DOT1L: variants seen among roughly 807,000 people sequenced by gnomAD.
DOT1L encodes DOT1 like histone lysine methyltransferase.
A neutral mutation model predicts 153.3 loss-of-function variants in DOT1L; 33 were observed. That is an observed-to-expected ratio of 0.22 (90% CI 0.16 to 0.29). The LOEUF is 0.29. DOT1L is among the 10% of genes least tolerant of loss of function. DOT1L has a pLI of 1.00. For missense variants in DOT1L, 1,847 were observed against 2,119.9 expected (o/e 0.87, Z 2.53); for synonymous variants, 1,135 against 965.1 (o/e 1.18, Z -3.26).
At position 2,180,574 on chromosome 19, in the gene DOT1L, C is replaced by T. The variant is rs556490964; in HGVS notation, c.82-139C>T. 511 of 1,002,184 alleles carry T rather than the reference C, an allele frequency of 5.1e-4. 2 individuals carry two copies. The African/African-American group carries it at 7.3e-3, about 14-fold the overall frequency. The allele number at this position is 1,002,184 out of a possible 1,614,324, so 62.1% of individuals were successfully genotyped here. ...CTGGGAGTGTCTCTGGTGGTACCCG[C>T]TGGGTGGTGGGCTTGGGAGCTGCAC... On this transcript the variant is annotated intron_variant, in intron 1 of 27. Coordinates refer to ENST00000398665, the MANE Select transcript of DOT1L (RefSeq NM_032482.3).
chr19:2,182,003 G>T (rs1157372461), intron 2 of DOT1L, among the ~76,000 whole-genome samples: 2 of 152,112 alleles, frequency 1.3e-5, no homozygotes, highest in African/African-American at 2.4e-5. Context: ...CAGGGAGATC[G>T]CTTGAGGCCA....
intron 10 of DOT1L, 116 bp downstream of exon 10, chr19:2,206,913 G>A (rs770463736): frequency 6.5e-6 from 7 of 1,079,412 alleles, no homozygotes; most frequent in Non-Finnish European, 9.8e-6. Context: ...ATCCTTCTGT[G>A]GGGTGGGGCT....
Position 2,190,599 on chromosome 19 carries a change from G to A in DOT1L, c.265-413G>A, listed in dbSNP as rs758989807. Reference sequence around the variant, plus strand: ...GAGGAAGGCGGGGTCCCACGTAGTCGAGTCAGATGAGGTGTGGTAGGCTCA... The same window carrying A: ...GAGGAAGGCGGGGTCCCACGTAGTCAAGTCAGATGAGGTGTGGTAGGCTCA... On this transcript the variant is annotated intron_variant, in intron 4 of 27. Coordinates refer to ENST00000398665, the MANE Select transcript of DOT1L (RefSeq NM_032482.3). This position sits in a 1 kb window ranked among gnomAD's most constrained non-coding sequence, Gnocchi z 4.8. 6.6e-6 allele frequency among the ~76,000 whole-genome samples: 1 copy of A among 152,150 alleles called. No homozygotes were observed. The highest frequency in any genetic ancestry group is 2.4e-5 in the African/African-American group (1 of 41,432).
rs545139419 is a variant in DOT1L, at chr19:2,218,001, G to A, written c.2691+83G>A. Reference sequence around the variant, plus strand: ...GTGCTCGAGACCTGGCTCACTTTGCGAAGTCTCACGCTGTAAAATGTCGAG... The same window carrying A: ...GTGCTCGAGACCTGGCTCACTTTGCAAAGTCTCACGCTGTAAAATGTCGAG... On this transcript the variant is annotated intron_variant, in intron 22 of 27. Transcript: ENST00000398665. 141 of 1,528,072 alleles carry A rather than the reference G, an allele frequency of 9.2e-5. No homozygotes were observed. In the South Asian group the frequency reaches 1.4e-3, roughly 16 times the overall value. 94.7% of individuals were successfully genotyped at this position (1,528,072 alleles called of 1,614,324 possible). A position where few individuals can be genotyped will look rare whatever the true frequency, so the allele number is the denominator to read the frequency against.
At chr19:2,201,025 C>G (rs1158083307) in intron 8 of DOT1L, among the ~76,000 whole-genome samples, 3 of 123,508 alleles carry the variant, frequency 2.4e-5, no homozygotes, top group Admixed American at 7.8e-5. Context: ...ATTCCTCGTC[C>G]TCCCCGCATT....
At chr19:2,210,960 C>T in intron 14 of DOT1L, 105 bp downstream of exon 14, 1 of 1,473,238 alleles carries the variant, frequency 6.8e-7, no homozygotes, top group Non-Finnish European at 9.3e-7. Flanking sequence ...TCAGGGTGTC[C>T]CTGGAGCCTC....
intron 1 of DOT1L, among the ~76,000 whole-genome samples, chr19:2,175,765 G>C (rs1379949105): frequency 6.6e-6 from 1 of 152,188 alleles, no homozygotes; most frequent in Non-Finnish European, 1.5e-5. Context: ...AGGAAGTGGA[G>C]GTTGCAGTGA....
chr19:2,180,345 G>A (rs2022173226), intron 1 of DOT1L, among the ~76,000 whole-genome samples: 2 of 152,332 alleles, frequency 1.3e-5, no homozygotes, highest in South Asian at 2.1e-4. Context: ...GGGCTGTGTT[G>A]AGGGATCAAC....
intron 1 of DOT1L, among the ~76,000 whole-genome samples, chr19:2,168,631 T>A (rs917064316): frequency 6.6e-6 from 1 of 152,180 alleles, no homozygotes; most frequent in Non-Finnish European, 1.5e-5. Context: ...TCTTATTTTT[T>A]TGAGAGGGAA....
intron 8 of DOT1L, 67 bp downstream of exon 8, chr19:2,200,006 A>T (rs2023181830): frequency 1.9e-6 from 3 of 1,580,766 alleles, no homozygotes; most frequent in Non-Finnish European, 2.6e-6. Context: ...TGGCCATGGC[A>T]CCGGGGACCG....
Position 2,227,123 on chromosome 19 carries a change from T to C in DOT1L, c.4602T>C (p.Val1534=). ...TTTCCGGGGTGGCAGGCGGCACAGT[T>C]GGAGGTAGGCAGGGCGGCCGTCCGT... ...GSFSGVAGGT[V]GGN The change falls in exon 27 of 28, where the codon GTT becomes GTC. Residue 1534 remains valine, a synonymous_variant. Coordinates refer to ENST00000398665, the MANE Select transcript of DOT1L (RefSeq NM_032482.3). 4 of 1,559,200 alleles carry C rather than the reference T, an allele frequency of 2.6e-6. No homozygotes were observed. The highest frequency in any genetic ancestry group is 1.4e-5 in the African/African-American group (1 of 73,306).
intron 7 of DOT1L, among the ~76,000 whole-genome samples, 157 bp downstream of exon 7, chr19:2,194,734 G>C (rs887192806): frequency 6.6e-6 from 1 of 151,972 alleles, no homozygotes; most frequent in African/African-American, 2.4e-5. Context: ...CTGCCTGGGC[G>C]TGGCGTCTGA....
rs766738148 is a variant in DOT1L, at chr19:2,225,449, A to G, written c.3658A>G (p.Asn1220Asp). The G allele has an allele frequency of 6.2e-7, 1 of 1,614,174 alleles. No individual in the cohort carries two copies. Among genetic ancestry groups the G allele is most frequent in the South Asian group, 1.1e-5 (1 of 91,088 alleles). The change falls in exon 26 of 28, where the codon AAT becomes GAT. Residue 1220 changes from asparagine (N) to aspartate (D), a missense_variant. Coordinates refer to ENST00000398665, the MANE Select transcript of DOT1L (RefSeq NM_032482.3). ...ESKSPPKTLE[N>D]GGGLAGRKPA... ...CAAATCTCCCCCGAAAACCTTGGAA[A>G]ATGGTGAGTAACAAGTGTTTTGCGG...
intron 12 of DOT1L, 150 bp from the exon 13 acceptor site, chr19:2,210,250 C>T: frequency 1.4e-6 from 1 of 739,934 alleles, no homozygotes; most frequent in Non-Finnish European, 2.0e-6. Flanking sequence ...TGTCTCTGGG[C>T]CTCAGTTTCC....
chr19:2,230,555 A>G lies in DOT1L; in HGVS notation c.*763A>G, dbSNP rs991169049. On this transcript the variant is annotated 3_prime_UTR_variant, in exon 28 of 28. Transcript: ENST00000398665. ...TTACTTTTGTATTTCTCGGCTGTCC[A>G]TGGCTCGCAGCATGCCCTGCGATGC... The G allele has an allele frequency of 2.0e-5, 8 of 398,550 alleles. No individual in the cohort carries two copies. The highest frequency in any genetic ancestry group is 6.2e-5 in the African/African-American group (3 of 48,636). The allele number at this position is 398,550 out of a possible 1,614,324, so 24.7% of individuals were successfully genotyped here.
intron 25 of DOT1L, 39 bp downstream of exon 25, chr19:2,223,525 CAGGGGCAGG>C: frequency 1.0e-6 from 1 of 999,936 alleles, no homozygotes; most frequent in Non-Finnish European, 1.2e-6. Context: ...GGCCTGGCAG[CAGGGGCAGG>C]AGGTGCCTGC....
chr19:2,181,231 G>A (rs1358526867), intron 2 of DOT1L, among the ~76,000 whole-genome samples: 3 of 152,206 alleles, frequency 2.0e-5, no homozygotes, highest in Admixed American at 2.0e-4. Context: ...CCTCTCTGCT[G>A]CCCACTGGGA....
intron 7 of DOT1L, among the ~76,000 whole-genome samples, chr19:2,198,387 G>A (rs1010948207): frequency 3.3e-5 from 5 of 152,186 alleles, no homozygotes; most frequent in African/African-American, 9.7e-5. Context: ...GGGGCTTCCC[G>A]CGGCCTTGGA....
At chr19:2,194,819 C>T (rs1190036305) in intron 7 of DOT1L, among the ~76,000 whole-genome samples, 2 of 152,242 alleles carry the variant, frequency 1.3e-5, no homozygotes, top group Non-Finnish European at 2.9e-5. Context: ...CGGCAGCATG[C>T]GGTGCACAGA....
Sources: allele counts gnomAD v4.1 joint callset (sites outside exome capture counted in the v4.1 genomes callset), GRCh38; gene constraint gnomAD v4.1.1; non-coding constraint Gnocchi (gnomAD v3.1); transcripts MANE v1.5; gene names NCBI Gene and HGNC (gene_info 2026-07-23, HGNC 2026-07-21).